Variants in PDZRN4 observed in about 807,000 individuals in gnomAD.
PDZRN4 encodes PDZ domain containing ring finger 4, also known as PDZ domain-containing RING finger protein 4.
PDZRN4 carries 70 observed loss-of-function variants against 99.0 expected under a neutral mutation model. The ratio of observed to expected loss-of-function variants is 0.71; its 90% CI spans 0.58 to 0.86. The LOEUF (loss-of-function observed/expected upper bound fraction) is 0.86, where lower values mean the gene tolerates loss of function less well. PDZRN4 is among the 40% of genes least tolerant of loss of function. The pLI is 0.00. For missense variants in PDZRN4, 1,474 were observed against 1,331.2 expected (o/e 1.11, Z -1.67); for synonymous variants, 551 against 501.6 (o/e 1.10, Z -1.32).
At chr12:41,292,288 G>A (rs548253495) in intron 3 of PDZRN4, among the ~76,000 whole-genome samples, 2 of 152,304 alleles carry the variant, frequency 1.3e-5, no homozygotes, top group African/African-American at 2.4e-5. Context: ...TATGAAAGGG[G>A]AGAATACCGT....
At chr12:41,377,700 T>A (rs1310729500) in intron 3 of PDZRN4, among the ~76,000 whole-genome samples, 1 of 152,144 alleles carries the variant, frequency 6.6e-6, no homozygotes, top group Non-Finnish European at 1.5e-5. Flanking sequence ...GTACAGATTG[T>A]TCACCTCTTT....
chr12:41,451,554 G>C (rs1056258279), intron 3 of PDZRN4, among the ~76,000 whole-genome samples: 10 of 152,152 alleles, frequency 6.6e-5, no homozygotes, highest in African/African-American at 2.2e-4. Flanking sequence ...TGAAAATATG[G>C]TTTTGTAACT....
chr12:41,437,876 C>T (rs929646291), intron 3 of PDZRN4: 50 of 1,612,804 alleles, frequency 3.1e-5, no homozygotes, highest in Non-Finnish European at 4.2e-5. Context: ...AGGGTGATTC[C>T]CTTTCAGTTC....
intron 3 of PDZRN4, among the ~76,000 whole-genome samples, chr12:41,282,128 A>G (rs1464291263): frequency 1.3e-5 from 2 of 152,188 alleles, no homozygotes; most frequent in Non-Finnish European, 2.9e-5. Context: ...CAGGAGACCC[A>G]TCTCATGTGC....
intron 3 of PDZRN4, among the ~76,000 whole-genome samples, chr12:41,474,510 A>G (rs1216372097): frequency 1.3e-5 from 2 of 152,198 alleles, no homozygotes; most frequent in Non-Finnish European, 2.9e-5. Flanking sequence ...TCAAAGTCTT[A>G]CAGTTTGTAA....
At chr12:41,283,896 C>T (rs1951405341) in intron 3 of PDZRN4, among the ~76,000 whole-genome samples, 1 of 152,170 alleles carries the variant, frequency 6.6e-6, no homozygotes, top group African/African-American at 2.4e-5. Flanking sequence ...GACCCACAGC[C>T]AATATCATAC....
At chr12:41,198,591 C>A (rs1040810312) in intron 3 of PDZRN4, among the ~76,000 whole-genome samples, 32 of 130,624 alleles carry the variant, frequency 2.4e-4, no homozygotes, top group African/African-American at 8.4e-4. Flanking sequence ...ATTGGAACAT[C>A]ACACTCTGGG....
chr12:41,344,615 G>C (rs1357178332), intron 3 of PDZRN4, among the ~76,000 whole-genome samples: 1 of 151,460 alleles, frequency 6.6e-6, no homozygotes, highest in Non-Finnish European at 1.5e-5. Context: ...TAGGAAACTG[G>C]GTGAAATGTT....
chr12:41,519,100 G>T (rs1406813944), intron 5 of PDZRN4, among the ~76,000 whole-genome samples: 1 of 151,714 alleles, frequency 6.6e-6, no homozygotes, highest in African/African-American at 2.4e-5. Context: ...AGGTCCATAA[G>T]CATAAGGTTG....
chr12:41,555,721 C>G lies in PDZRN4; in HGVS notation c.1326C>G (p.Ala442=). The change falls in exon 7 of 10, where the codon GCC becomes GCG. Residue 442 remains alanine (A), a synonymous_variant. Coordinates refer to ENST00000402685, the MANE Select transcript of PDZRN4 (RefSeq NM_001164595.2). ...AGGTTGACCCAAATAGCATTGCTGCCAAAGACGGCCGGATTCGAGAAGGGG... is the reference window on the plus strand; with the variant it reads ...AGGTTGACCCAAATAGCATTGCTGCGAAAGACGGCCGGATTCGAGAAGGGG... ...VSEVDPNSIA[A]KDGRIREGDR... is the part of the protein sequence containing the mutation. 6.2e-7 allele frequency: 1 copy of G among 1,613,916 alleles called. No individual in the cohort carries two copies. Among genetic ancestry groups the G allele is most frequent in the Non-Finnish European group, 8.5e-7 (1 of 1,179,896 alleles).
intron 3 of PDZRN4, chr12:41,411,854 G>T (rs1952402411): frequency 6.6e-6 from 1 of 152,128 alleles, no homozygotes; most frequent in South Asian, 2.1e-4. Flanking sequence ...CTTCCAGGTA[G>T]TTATAGCTAA....
At chr12:41,203,421 A>G in intron 3 of PDZRN4, among the ~76,000 whole-genome samples, 1 of 151,992 alleles carries the variant, frequency 6.6e-6, no homozygotes, top group East Asian at 1.9e-4. Context: ...AGAGTTTTCC[A>G]TATTTAGGAA....
At chr12:41,462,147 ATTAAC>A (rs1030524533) in intron 3 of PDZRN4, among the ~76,000 whole-genome samples, 2 of 152,224 alleles carry the variant, frequency 1.3e-5, no homozygotes, top group Admixed American at 1.3e-4. Flanking sequence ...ACACAAGAAA[ATTAAC>A]TTACATTTTA....
At chr12:41,274,984 C>T (rs1156692620) in intron 3 of PDZRN4, among the ~76,000 whole-genome samples, 1 of 152,088 alleles carries the variant, frequency 6.6e-6, no homozygotes, top group Non-Finnish European at 1.5e-5. Flanking sequence ...CCCAAGAGCT[C>T]ATTGGTGGGT....
At chr12:41,508,430 T>A (rs1938245225) in intron 4 of PDZRN4, among the ~76,000 whole-genome samples, 1 of 152,160 alleles carries the variant, frequency 6.6e-6, no homozygotes, top group South Asian at 2.1e-4. Context: ...CTTTCCCCAA[T>A]TAATAGGGCA....
chr12:41,203,574 CT>C (rs1169961484), intron 3 of PDZRN4, among the ~76,000 whole-genome samples: 4 of 151,862 alleles, frequency 2.6e-5, no homozygotes. Flanking sequence ...GGTATTAATT[CT>C]TTGTATCCCC....
chr12:41,195,141 A>G (rs767347923), intron 3 of PDZRN4, among the ~76,000 whole-genome samples: 3 of 152,200 alleles, frequency 2.0e-5, no homozygotes, highest in Admixed American at 6.5e-5. Flanking sequence ...ATGAAATTTT[A>G]TGTCCCTGCC....
chr12:41,343,231 C>A (rs773471292), intron 3 of PDZRN4, among the ~76,000 whole-genome samples: 2 of 151,840 alleles, frequency 1.3e-5, no homozygotes, highest in Non-Finnish European at 2.9e-5. Flanking sequence ...GGTTTGTGCA[C>A]ATAAAGATTT....
intron 3 of PDZRN4, among the ~76,000 whole-genome samples, chr12:41,277,078 C>T (rs1483700056): frequency 6.6e-6 from 1 of 152,142 alleles, no homozygotes; most frequent in African/African-American, 2.4e-5. Context: ...AGATTCACTT[C>T]TAGCAACAAA....
Sources: allele counts gnomAD v4.1 joint callset (sites outside exome capture counted in the v4.1 genomes callset), GRCh38; gene constraint gnomAD v4.1.1; transcripts MANE v1.5; gene names NCBI Gene and HGNC (gene_info 2026-07-23, HGNC 2026-07-21).